Variants in TTN observed in about 807,000 individuals in gnomAD.
TTN encodes the protein titin.
Under a neutral mutation model 3,223.0 loss-of-function variants are expected in TTN, and 1,525 were observed. That is an observed-to-expected ratio of 0.47 (90% CI 0.45 to 0.49). TTN has a LOEUF of 0.49. Among genes scored for constraint, TTN ranks in the 20% least tolerant of loss-of-function variants. TTN has a pLI of 0.00. For synonymous variants in TTN, 14,094 were observed against 15,161.0 expected (o/e 0.93, Z 5.17); for missense variants, 40,786 against 43,424.0 (o/e 0.94, Z 5.40).
In TTN at chr2:178,543,974, C is replaced by T; in HGVS notation, c.96170G>A (p.Ser32057Asn). The change falls in exon 346 of 363, where the codon AGC becomes AAC. Residue 32057 changes from serine (S) to asparagine (N), a missense_variant. Ser to Asn is a conservative substitution (Grantham distance 46, BLOSUM62 1). Coordinates refer to ENST00000589042, the MANE Select transcript of TTN (RefSeq NM_001267550.2). ...CTCAGTGGTGTCAATAATTGCCCGG[C>T]TTGCAAGGTCAATGCCCTGCTTGCT... ...TWSKQGIDLASRAIIDTTESY... is the reference protein window; with the variant it reads ...TWSKQGIDLANRAIIDTTESY... The T allele has an allele frequency of 2.5e-6, 4 of 1,613,690 alleles. No homozygotes were observed. The highest frequency in any genetic ancestry group is 3.4e-6 in the Non-Finnish European group (4 of 1,179,714).
chr2:178,592,563 T>C lies in TTN; in HGVS notation c.59442A>G (p.Pro19814=), dbSNP rs1304742332. ...CTTTTTTCCAAGTTACTTTTGGGAATGGCACTCCTTTGATGATGGCACTAA... is the reference window on the plus strand; with the variant it reads ...CTTTTTTCCAAGTTACTTTTGGGAACGGCACTCCTTTGATGATGGCACTAA... ...LRLSAIIKGV[P]FPKVTWKKED... Residue 19814 remains proline, a synonymous_variant, in exon 301 of 363, where the codon CCA becomes CCG. Transcript: ENST00000589042. 6.2e-7 allele frequency: 1 copy of C among 1,613,538 alleles called. No individual in the cohort carries two copies. Among genetic ancestry groups the C allele is most frequent in the Non-Finnish European group, 8.5e-7 (1 of 1,179,592 alleles).
intron 359 of TTN, chr2:178,529,435 A>C (rs748855536): frequency 2.5e-6 from 1 of 395,804 alleles, no homozygotes; most frequent in Admixed American, 4.1e-5. Context: ...AACTGAGCCA[A>C]AGATGATTCA....
chr2:178,672,513 G>T, intron 153 of TTN, 32 bp from the exon 154 acceptor site: 1 of 1,604,434 alleles, frequency 6.2e-7, no homozygotes, highest in South Asian at 1.1e-5. Flanking sequence ...ATTTAGGACT[G>T]TCGAGAGCAA....
chr2:178,781,011 A>G, intron 21 of TTN, 110 bp downstream of exon 21: 1 of 1,462,864 alleles, frequency 6.8e-7, no homozygotes, highest in East Asian at 2.3e-5. Context: ...ACACTGGGGC[A>G]AAGTATCAGA....
At position 178,561,358 on chromosome 2, in the gene TTN, T is replaced by C. The variant is rs1703594420; in HGVS notation, c.84774A>G (p.Gln28258=). Residue 28258 remains glutamine (Q), a synonymous_variant, in exon 326 of 363, where the codon CAA becomes CAG. Coordinates refer to ENST00000589042, the MANE Select transcript of TTN (RefSeq NM_001267550.2). Reference sequence around the variant, plus strand: ...TTCTTGTGATATTTGTGACTTCAGGTTGTCCAGGAGGGTCACAAGGATCTC... The same window carrying C: ...TTCTTGTGATATTTGTGACTTCAGGCTGTCCAGGAGGGTCACAAGGATCTC... ...PARDPCDPPG[Q]PEVTNITRKS... 1 of 1,613,720 alleles carries C rather than the reference T, an allele frequency of 6.2e-7. No homozygotes were observed. Among genetic ancestry groups the C allele is most frequent in the African/African-American group, 1.3e-5 (1 of 74,932 alleles).
At chr2:178,778,554 C>T (rs2092464067) in intron 24 of TTN, 2 of 366,822 alleles carry the variant, frequency 5.5e-6, no homozygotes, top group South Asian at 5.1e-5. Flanking sequence ...TTCCTATTTC[C>T]AAACCAATAA....
chr2:178,707,906 A>G (rs2076116270), intron 99 of TTN, 93 bp from the exon 100 acceptor site: 2 of 1,319,322 alleles, frequency 1.5e-6, no homozygotes, highest in Non-Finnish European at 2.1e-6. Flanking sequence ...ACTGGCCTCT[A>G]ACAGGTAACA....
In TTN at chr2:178,545,730, A is replaced by T. The variant is rs574667644; in HGVS notation, c.95417-37T>A. Reference sequence around the variant, plus strand: ...AATAAGGATGATGAGAATTGCACAAAATTACTATTGATAAGACTGCCCTTC... The same window carrying T: ...AATAAGGATGATGAGAATTGCACAATATTACTATTGATAAGACTGCCCTTC... On this transcript the variant is annotated intron_variant, in intron 343 of 362. Transcript: ENST00000589042. 10 of 1,602,066 alleles carry T rather than the reference A, an allele frequency of 6.2e-6. No individual in the cohort carries two copies. The South Asian group carries it at 8.9e-5, about 14-fold the overall frequency.
Position 178,575,321 on chromosome 2 carries a change from T to G in TTN, c.70811A>C (p.Gln23604Pro). 1.2e-6 allele frequency: 2 copies of G among 1,613,520 alleles called. No individual in the cohort carries two copies. Among genetic ancestry groups the G allele is most frequent in the Non-Finnish European group, 1.7e-6 (2 of 1,179,652 alleles). ...NLTEGEEYTF[Q>P]VMAVNSAGRS... is the part of the protein sequence containing the mutation. ...CCCCGCGCTGTTCACTGCCATCACT[T>G]GGAAGGTATATTCCTCTCCTTCAGT... Residue 23604 changes from glutamine (Q) to proline (P), a missense_variant, in exon 326 of 363, where the codon CAA becomes CCA. Transcript: ENST00000589042. The surrounding 1 kb of genome is among the most constrained non-coding windows in gnomAD (Gnocchi z 4.0).
rs762379362 is a variant in TTN at position 178,543,784 on chromosome 2, GT to G, written c.96310+49del. 7.3e-5 allele frequency: 117 copies of G among 1,595,070 alleles called. No homozygotes were observed. The African/African-American group carries it at 1.2e-3, about 16-fold the overall frequency. On this transcript the variant is annotated intron_variant, in intron 346 of 362. Transcript: ENST00000589042. Reference sequence around the variant, plus strand: ...GATCAATCATAGGTCAAGCTATATTGTTTTAGAGGATCTACTCATTGTATAG... The same window carrying G: ...GATCAATCATAGGTCAAGCTATATTGTTTAGAGGATCTACTCATTGTATAG...
At position 178,729,564 on chromosome 2, in the gene TTN, G is replaced by A. The variant is rs568964771; in HGVS notation, c.18592C>T (p.Pro6198Ser). The change falls in exon 64 of 363, where the codon CCC (proline) becomes TCC (serine). Residue 6198 changes from proline to serine, a missense_variant and splice_region_variant. By Grantham distance (74) the Pro-to-Ser change is moderately conservative. Coordinates refer to ENST00000589042, the MANE Select transcript of TTN (RefSeq NM_001267550.2). ...TTCAGCTCTCTGATAAAGGTGGGGG[G>A]TTCTAAAGATTCAAAAGGAAGACAG... ...SCSIELKVKE[P>S]PTFIRELKPV... 2.5e-6 allele frequency: 4 copies of A among 1,612,022 alleles called. No homozygotes were observed. In the East Asian group the frequency reaches 8.9e-5, roughly 36 times the overall value.
In TTN at chr2:178,764,255, C is replaced by G; in HGVS notation, c.10036G>C (p.Ala3346Pro). Residue 3346 changes from alanine (A) to proline (P), a missense_variant, in exon 43 of 363, where the codon GCC becomes CCC. Physicochemically the swap from Ala to Pro is conservative, Grantham distance 27 (BLOSUM62 -1). Transcript: ENST00000589042. ...PDQEMPVYPP[A>P]IITPLQDTVT... is the part of the protein sequence containing the mutation. Reference sequence around the variant, plus strand: ...GTGTCCTGAAGCGGGGTGATGATGGCAGGTGGATAAACAGGCATTTCCTGA... The same window carrying G: ...GTGTCCTGAAGCGGGGTGATGATGGGAGGTGGATAAACAGGCATTTCCTGA... 2 of 1,614,066 alleles carry G rather than the reference C, an allele frequency of 1.2e-6. No homozygotes were observed. The highest frequency in any genetic ancestry group is 4.5e-5 in the East Asian group (2 of 44,842).
intron 148 of TTN, 48 bp downstream of exon 148, chr2:178,675,870 TAGG>T: frequency 6.4e-7 from 1 of 1,568,484 alleles, no homozygotes; most frequent in South Asian, 1.2e-5. Context: ...TTGACTTTTA[TAGG>T]AGAAGGAAGG....
In TTN at chr2:178,553,811, G is replaced by GA. The variant is rs1559222228; in HGVS notation, c.89198-5dup. Reference sequence around the variant, plus strand: ...TTAGCAGGTGGACCTGGAGGATCTGGAATGGCCATTCACAATAAAATAATT... The same window carrying GA: ...TTAGCAGGTGGACCTGGAGGATCTGGAAATGGCCATTCACAATAAAATAATT... On this transcript the variant is annotated splice_polypyrimidine_tract_variant and splice_region_variant and intron_variant, in intron 333 of 362. Transcript: ENST00000589042. 1 of 1,580,782 alleles carries GA rather than the reference G, an allele frequency of 6.3e-7. No individual in the cohort carries two copies. Among genetic ancestry groups the GA allele is most frequent in the South Asian group, 1.2e-5 (1 of 84,808 alleles).
At chr2:178,635,360 G>A in intron 227 of TTN, 56 bp from the exon 228 acceptor site, 1 of 1,607,324 alleles carries the variant, frequency 6.2e-7, no homozygotes, top group Non-Finnish European at 8.5e-7. Flanking sequence ...ACGATGCTTT[G>A]CTTTTATGTG....
rs765712706 is a variant in TTN, at chr2:178,531,344, C to G, written c.105271G>C (p.Glu35091Gln). The change falls in exon 358 of 363, where the codon GAA becomes CAA. Residue 35091 changes from glutamate to glutamine, a missense_variant. Coordinates refer to ENST00000589042, the MANE Select transcript of TTN (RefSeq NM_001267550.2). ...GAGTGTTCATATGAGGAGAGACTTTCCCTTGTCTCCGTCATCTGTGATTTC... is the reference window on the plus strand; with the variant it reads ...GAGTGTTCATATGAGGAGAGACTTTGCCTTGTCTCCGTCATCTGTGATTTC... ...EVKSQMTETR[E>Q]SLSSYEHSAS... 4 of 1,613,892 alleles carry G rather than the reference C, an allele frequency of 2.5e-6. No individual in the cohort carries two copies. The highest frequency in any genetic ancestry group is 3.4e-6 in the Non-Finnish European group (4 of 1,179,902).
chr2:178,610,103 A>G lies in TTN; in HGVS notation c.51423T>C (p.Ala17141=). Residue 17141 remains alanine (A), a synonymous_variant, in exon 271 of 363, where the codon GCT becomes GCC. Coordinates refer to ENST00000589042, the MANE Select transcript of TTN (RefSeq NM_001267550.2). The part of the protein sequence containing the change: ...EYIELKNPVI[A]QDPKQPPDPP... ...GTCCAAACTTACGCTTTGGATCTTG[A>G]GCAATGACTGGATTTTTCAGTTCAA... 1 of 1,612,822 alleles carries G rather than the reference A, an allele frequency of 6.2e-7. No individual in the cohort carries two copies. Among genetic ancestry groups the G allele is most frequent in the Non-Finnish European group, 8.5e-7 (1 of 1,179,276 alleles).
rs754283953 is a variant in TTN at position 178,758,960 on chromosome 2, G to T, written c.10303+24C>A. 1.6e-5 allele frequency: 26 copies of T among 1,608,306 alleles called. No individual in the cohort carries two copies. In the South Asian group the frequency reaches 2.7e-4, roughly 17 times the overall value. ...AAGATTCGATCTATATTTAAATGGG[G>T]TTCTGAAAGTTGTTTTACTTTACCT... On this transcript the variant is annotated intron_variant, in intron 44 of 362. Transcript: ENST00000589042.
Position 178,567,303 on chromosome 2 carries a change from A to G in TTN, c.78829T>C (p.Phe26277Leu), listed in dbSNP as rs1265065751. 6.2e-7 allele frequency: 1 copy of G among 1,607,128 alleles called. No individual in the cohort carries two copies. The highest frequency in any genetic ancestry group is 1.7e-5 in the Admixed American group (1 of 58,774). The change falls in exon 326 of 363, where the codon TTC becomes CTC. Residue 26277 changes from phenylalanine to leucine, a missense_variant. Physicochemically the swap from Phe to Leu is conservative, Grantham distance 22. Coordinates refer to ENST00000589042, the MANE Select transcript of TTN (RefSeq NM_001267550.2). ...TCTAATACTTTTACATTTACTGGGAATGACTTAGAACCTGCAACATTGGAA... is the reference window on the plus strand; with the variant it reads ...TCTAATACTTTTACATTTACTGGGAGTGACTTAGAACCTGCAACATTGGAA... ...RASNVAGSKSFPVNVKVLDRP... is the reference protein window; with the variant it reads ...RASNVAGSKSLPVNVKVLDRP...
Sources: gnomAD v4.1 joint callset for allele counts on GRCh38, gnomAD v4.1.1 for gene constraint, Gnocchi (gnomAD v3.1) non-coding constraint, MANE v1.5 for transcripts, NCBI Gene and HGNC (gene_info 2026-07-23, HGNC 2026-07-21) for gene names.